The following IST1 variants were observed in gnomAD, a reference collection of about 807,000 sequenced individuals.
IST1 encodes the protein IST1 factor associated with ESCRT-III.
IST1 carries 23 observed loss-of-function variants against 37.0 expected under a neutral mutation model. The ratio of observed to expected loss-of-function variants is 0.62; its 90% CI spans 0.45 to 0.88. IST1 has a LOEUF of 0.88. Among genes scored for constraint, IST1 ranks in the 40% least tolerant of loss-of-function variants. The probability of loss-of-function intolerance (pLI) is 0.00; values close to 1 mark genes in which losing one functional copy is unlikely to be tolerated. For missense variants in IST1, 488 were observed against 445.4 expected, an observed-to-expected ratio of 1.10 and a Z score of -0.86; for synonymous variants, 180 against 161.7, an observed-to-expected ratio of 1.11 and a Z score of -0.86.
chr16:71,902,433 C>A (rs2037129102), intron 1 of IST1, among the ~76,000 whole-genome samples: 1 of 152,110 alleles, frequency 6.6e-6, no homozygotes, highest in African/African-American at 2.4e-5. Context: ...CCACGCCTGG[C>A]TAATTTTTGT....
Position 71,922,608 on chromosome 16 carries a change from A to AATGCCCATGCCC in IST1, c.699_710dup (p.Met236_Pro239dup), listed in dbSNP as rs148848854. ...TTGGTGGACCTGATGGAACGGTGCC[A>AATGCCCATGCCC]ATGCCCATGCCCATGCCCATGCCTA... On this transcript the variant is annotated inframe_insertion, in exon 7 of 10. Transcript: ENST00000378799. 7 of 1,613,184 alleles carry AATGCCCATGCCC rather than the reference A, an allele frequency of 4.3e-6. No homozygotes were observed. In the African/African-American group the frequency reaches 9.4e-5, roughly 22 times the overall value.
upstream of IST1, chr16:71,895,412 A>G (rs1320107916): frequency 3.3e-6 from 2 of 610,780 alleles, no homozygotes; most frequent in African/African-American, 4.0e-5. Context: ...GCCCCGAGTC[A>G]GCGCGTGGGT....
upstream of IST1, chr16:71,894,698 C>CTTTTTTTTTTT: frequency 2.3e-6 from 1 of 443,580 alleles, no homozygotes; most frequent in Non-Finnish European, 3.9e-6. Flanking sequence ...TAATTTTTAA[C>CTTTTTTTTTTT]TTTTTTTTTT....
At chr16:71,913,801 C>T (rs2037409499) in intron 1 of IST1, among the ~76,000 whole-genome samples, 1 of 151,900 alleles carries the variant, frequency 6.6e-6, no homozygotes, top group Admixed American at 6.6e-5. Flanking sequence ...ACACTCACAC[C>T]CTACTATTTA....
At position 71,929,010 on chromosome 16, in the gene IST1, G is replaced by C. The variant is rs1246283970; in HGVS notation, c.*1197G>C. 1 of 152,888 alleles carries C rather than the reference G, an allele frequency of 6.5e-6. No individual in the cohort carries two copies. The highest frequency in any genetic ancestry group is 2.4e-5 in the African/African-American group (1 of 41,448). 9.5% of individuals were successfully genotyped at this position (152,888 alleles called of 1,614,324 possible). ...AATAAAGTTAAAGATCCTGTGTCCT[G>C]CTTTCTCTACTGTTTGGTCAGATGA... On this transcript the variant is annotated 3_prime_UTR_variant, in exon 10 of 10. Coordinates refer to ENST00000378799, the MANE Select transcript of IST1 (RefSeq NM_001270975.2).
intron 2 of IST1, among the ~76,000 whole-genome samples, 195 bp from the exon 3 acceptor site, chr16:71,916,267 A>G (rs1012669564): frequency 1.3e-5 from 2 of 152,236 alleles, no homozygotes; most frequent in Admixed American, 6.5e-5. Flanking sequence ...GGAAATGTCA[A>G]GCCACATGAG....
intron 1 of IST1, among the ~76,000 whole-genome samples, chr16:71,912,773 C>T (rs2037386436): frequency 6.6e-6 from 1 of 152,184 alleles, no homozygotes; most frequent in South Asian, 2.1e-4. Context: ...CCCCCTACTC[C>T]CGGACCCTGG....
At chr16:71,920,655 G>C in intron 4 of IST1, 84 bp from the exon 5 acceptor site, 1 of 884,858 alleles carries the variant, frequency 1.1e-6, no homozygotes, top group East Asian at 2.5e-5. Flanking sequence ...TGTAATAGAC[G>C]CGTGTTTACT....
rs1402493161 is a variant in IST1 at position 71,930,184 on chromosome 16, C to G, written c.*2371C>G. ...CCAGGACTGGGTCTAAAGCGAAAAC[C>G]TGGGAAAACAATAAGAACACTTGCA... On this transcript the variant is annotated 3_prime_UTR_variant, in exon 10 of 10. Transcript: ENST00000378799. 6.5e-7 allele frequency: 1 copy of G among 1,539,586 alleles called. No individual in the cohort carries two copies. Among genetic ancestry groups the G allele is most frequent in the Admixed American group, 2.1e-5 (1 of 47,084 alleles).
In IST1 at chr16:71,927,553, C is replaced by T. The variant is rs2037775309; in HGVS notation, c.902-61C>T. The T allele has an allele frequency of 4.2e-6, 5 of 1,180,448 alleles. No homozygotes were observed. In the African/African-American group the frequency reaches 4.6e-5, roughly 11 times the overall value. The allele number at this position is 1,180,448 out of a possible 1,614,324, so 73.1% of individuals were successfully genotyped here. ...TGTTTTGATCATTTTATTTTTACTG[C>T]CAAAGGGGATCTGAGTCATTTCTCT... On this transcript the variant is annotated intron_variant, in intron 9 of 9. Transcript: ENST00000378799.
intron 1 of IST1, among the ~76,000 whole-genome samples, chr16:71,907,338 T>G (rs996169436): frequency 6.6e-6 from 1 of 151,162 alleles, no homozygotes; most frequent in Non-Finnish European, 1.5e-5. Context: ...AGTGCAGTGG[T>G]GCGATCTCCG....
At chr16:71,907,302 GTCTC>G (rs976314027) in intron 1 of IST1, among the ~76,000 whole-genome samples, 3 of 140,974 alleles carry the variant, frequency 2.1e-5, no homozygotes, top group Non-Finnish European at 3.0e-5. Flanking sequence ...TTTTGAGACA[GTCTC>G]TCTCTCTGTC....
At chr16:71,922,376 TA>T in intron 6 of IST1, 97 bp from the exon 7 acceptor site, 1 of 988,474 alleles carries the variant, frequency 1.0e-6, no homozygotes, top group Non-Finnish European at 1.6e-6. Context: ...AGCACTCCAG[TA>T]AACTTGCTTT....
At chr16:71,899,996 CAA>C (rs71153680) in intron 1 of IST1, among the ~76,000 whole-genome samples, 8 of 117,936 alleles carry the variant, frequency 6.8e-5, no homozygotes, top group Admixed American at 1.8e-4. Context: ...GACTCTGTCT[CAA>C]AAAAAAAAAA....
intron 4 of IST1, among the ~76,000 whole-genome samples, chr16:71,919,244 A>G (rs938100862): frequency 6.6e-6 from 1 of 151,676 alleles, no homozygotes; most frequent in Non-Finnish European, 1.5e-5. Flanking sequence ...TTCTTACCAC[A>G]CTCCTTGGCC....
At position 71,928,743 on chromosome 16, in the gene IST1, A is replaced by G. The variant is rs973695661; in HGVS notation, c.*930A>G. The G allele has an allele frequency of 5.3e-5, 8 of 152,296 alleles. No individual in the cohort carries two copies. The highest frequency in any genetic ancestry group is 6.5e-5 in the Admixed American group (1 of 15,284). 9.4% of individuals were successfully genotyped at this position (152,296 alleles called of 1,614,324 possible). On this transcript the variant is annotated 3_prime_UTR_variant, in exon 10 of 10. Coordinates refer to ENST00000378799, the MANE Select transcript of IST1 (RefSeq NM_001270975.2). ...ATGGAACCTTTAAAACTAATCTCAG[A>G]AAAATTTTTGGTGCCCATGCAGCTG...
intron 3 of IST1, 61 bp downstream of exon 3, chr16:71,916,703 AT>A: frequency 7.1e-7 from 1 of 1,408,230 alleles, no homozygotes; most frequent in Non-Finnish European, 9.9e-7. Context: ...GAGTAATATG[AT>A]CTCTTTCTGC....
At chr16:71,903,551 A>G (rs900993292) in intron 1 of IST1, 2 of 152,064 alleles carry the variant, frequency 1.3e-5, no homozygotes, top group Admixed American at 6.6e-5. Context: ...ATTCTATTTA[A>G]TTTGGGTTTT....
Position 71,924,785 on chromosome 16 carries a change from C to G in IST1, c.869C>G (p.Ala290Gly). Residue 290 changes from alanine (A) to glycine (G), a missense_variant, in exon 9 of 10, where the codon GCT becomes GGT. Ala to Gly is a moderately conservative substitution (Grantham distance 60, BLOSUM62 0). Transcript: ENST00000378799. ...GTGTTTCAGGTAGATGACATTAATG[C>G]TGATAAGAATATCTCTTCTGCACAG... ...PSYESVDDIN[A>G]DKNISSAQIV... 1 of 1,609,876 alleles carries G rather than the reference C, an allele frequency of 6.2e-7. No individual in the cohort carries two copies. The highest frequency in any genetic ancestry group is 1.3e-5 in the African/African-American group (1 of 74,996).
Sources: gnomAD v4.1 joint callset for allele counts (sites outside exome capture counted in the v4.1 genomes callset) on GRCh38, gnomAD v4.1.1 for gene constraint, MANE v1.5 for transcripts, NCBI Gene and HGNC (gene_info 2026-07-23, HGNC 2026-07-21) for gene names.